Variants in PREX2 observed in about 807,000 individuals in gnomAD.
The protein encoded by PREX2 is phosphatidylinositol 3,4,5-trisphosphate-dependent Rac exchanger 2 protein.
In PREX2, 107 loss-of-function variants were observed where a neutral mutation model predicts 203.2. The ratio of observed to expected loss-of-function variants is 0.53; its 90% CI spans 0.45 to 0.62. The LOEUF is 0.62. Among genes scored for constraint, PREX2 ranks in the 20% least tolerant of loss-of-function variants. PREX2 has a pLI of 0.00. For synonymous variants in PREX2, 672 were observed against 663.6 expected, an observed-to-expected ratio of 1.01 and a Z score of -0.19; for missense variants, 1,777 against 1,955.9, an observed-to-expected ratio of 0.91 and a Z score of 1.72.
chr8:67,986,370 G>C (rs763522118), intron 1 of PREX2, among the ~76,000 whole-genome samples: 1 of 152,090 alleles, frequency 6.6e-6, no homozygotes, highest in Non-Finnish European at 1.5e-5. Context: ...TGGAGTTCCT[G>C]CTCTTGGCCA....
At chr8:68,174,255 AG>A (rs1292503858) in intron 35 of PREX2, among the ~76,000 whole-genome samples, 1 of 152,182 alleles carries the variant, frequency 6.6e-6, no homozygotes, top group African/African-American at 2.4e-5. Flanking sequence ...TTGATAGAAA[AG>A]CCATGATTTT....
At chr8:68,191,695 G>T (rs762674205) in intron 35 of PREX2, 27 bp from the exon 36 acceptor site, 3 of 1,525,202 alleles carry the variant, frequency 2.0e-6, no homozygotes, top group Non-Finnish European at 2.7e-6. Context: ...AACAACAAAT[G>T]ATAATTTATT....
intron 9 of PREX2, 53 bp downstream of exon 9, chr8:68,053,299 T>C (rs1050099156): frequency 1.3e-6 from 2 of 1,562,086 alleles, no homozygotes; most frequent in Middle Eastern, 1.7e-4. Flanking sequence ...TAACTTAGCA[T>C]AGGAGCAGAT....
intron 30 of PREX2, among the ~76,000 whole-genome samples, chr8:68,126,865 G>T (rs1039955032): frequency 8.6e-5 from 13 of 151,828 alleles, no homozygotes; most frequent in African/African-American, 3.1e-4. Context: ...ACACGTATGT[G>T]TGTGTGTATA....
chr8:68,223,296 GTTTTGT>G (rs935152017), intron 38 of PREX2: 3 of 152,106 alleles, frequency 2.0e-5, no homozygotes, highest in Non-Finnish European at 4.4e-5. Flanking sequence ...TTCTTTGTTT[GTTTTGT>G]TTTTGTTTTT....
chr8:68,115,620 T>C, intron 25 of PREX2, 133 bp from the exon 26 acceptor site: 2 of 561,140 alleles, frequency 3.6e-6, no homozygotes, highest in Non-Finnish European at 3.0e-6. Context: ...TTTTATGCAA[T>C]AGAATATTTA....
intron 35 of PREX2, among the ~76,000 whole-genome samples, chr8:68,167,586 G>C (rs1203637208): frequency 1.3e-5 from 2 of 152,040 alleles, no homozygotes; most frequent in African/African-American, 4.8e-5. Context: ...GCCCACCTTG[G>C]CCTCCCGAAG....
chr8:68,074,205 T>TC (rs1426156122), intron 14 of PREX2, among the ~76,000 whole-genome samples: 1 of 152,136 alleles, frequency 6.6e-6, no homozygotes, highest in African/African-American at 2.4e-5. Flanking sequence ...CCTCAAGTGA[T>TC]CCACCTGCCT....
intron 1 of PREX2, among the ~76,000 whole-genome samples, chr8:68,010,604 C>T (rs1425827225): frequency 3.3e-5 from 5 of 152,204 alleles, no homozygotes; most frequent in South Asian, 2.1e-4. Flanking sequence ...ATGTAATCTT[C>T]TCCACCTCTC....
chr8:68,115,412 T>C (rs1012157637), intron 25 of PREX2, among the ~76,000 whole-genome samples: 2 of 152,196 alleles, frequency 1.3e-5, no homozygotes, highest in Non-Finnish European at 2.9e-5. Context: ...CCAGGAATAT[T>C]CATTCTCACA....
At chr8:67,977,663 G>A (rs527263718) in intron 1 of PREX2, among the ~76,000 whole-genome samples, 5 of 152,190 alleles carry the variant, frequency 3.3e-5, no homozygotes, top group South Asian at 4.1e-4. Flanking sequence ...GGACTTTTCA[G>A]CCCCACACTC....
intron 1 of PREX2, among the ~76,000 whole-genome samples, chr8:68,002,526 C>T (rs1437262272): frequency 6.6e-6 from 1 of 152,116 alleles, no homozygotes; most frequent in Non-Finnish European, 1.5e-5. Flanking sequence ...GTTCTTTGTC[C>T]TAATAGAAGC....
chr8:67,953,993 G>C (rs1298153545), intron 1 of PREX2, among the ~76,000 whole-genome samples: 1 of 152,146 alleles, frequency 6.6e-6, no homozygotes, highest in Non-Finnish European at 1.5e-5. Context: ...CTGAAGATCT[G>C]TGAACAAAGT....
chr8:68,020,333 C>CAAAAAAAAAAAAAAAAAAAAAAA (rs67292795), intron 3 of PREX2, among the ~76,000 whole-genome samples: 1 of 106,114 alleles, frequency 9.4e-6, no homozygotes, highest in African/African-American at 3.2e-5. Flanking sequence ...GCATTCACAC[C>CAAAAAAAAAAAAAAAAAAAAAAA]AAAAAAAAAA....
In PREX2 at chr8:67,960,780, A is replaced by G. The variant is rs373760394; in HGVS notation, c.141+8245A>G. The stretch of plus-strand genomic sequence containing the variant: ...TGTTGCTGAGAGGGCAGTGCCCTGA[A>G]GAGAACCGTAATGATTTGGACACAC... On this transcript the variant is annotated intron_variant, in intron 1 of 39. Coordinates refer to ENST00000288368, the MANE Select transcript of PREX2 (RefSeq NM_024870.4). 1.2e-3 allele frequency among the ~76,000 whole-genome samples: 185 copies of G among 152,212 alleles called. 2 individuals carry two copies. Among genetic ancestry groups the G allele is most frequent in the African/African-American group, 4.3e-3 (177 of 41,538 alleles).
chr8:68,163,132 T>C (rs1190084867), intron 35 of PREX2, among the ~76,000 whole-genome samples: 3 of 152,280 alleles, frequency 2.0e-5, no homozygotes, highest in South Asian at 4.1e-4. Context: ...TTTGGTGTTA[T>C]AGACAACATA....
Position 67,955,321 on chromosome 8 carries a change from C to T in PREX2, c.141+2786C>T, listed in dbSNP as rs927804238. ...ACAGCCCATGAGCATTGCCTTTCTT[C>T]TCTAAGCTAAGGTATGGGTCTATCT... On this transcript the variant is annotated intron_variant, in intron 1 of 39. Transcript: ENST00000288368. Among the ~76,000 whole-genome samples the T allele has an allele frequency of 2.0e-5, 3 of 152,142 alleles. No individual in the cohort carries two copies. The East Asian group carries it at 5.8e-4, about 29-fold the overall frequency.
chr8:68,121,474 T>C (rs1053609649), intron 30 of PREX2, among the ~76,000 whole-genome samples: 12 of 152,112 alleles, frequency 7.9e-5, no homozygotes, highest in African/African-American at 2.9e-4. Flanking sequence ...GATTTTTAAG[T>C]TTTTATATCA....
At chr8:68,045,087 G>T (rs1808311174) in intron 8 of PREX2, among the ~76,000 whole-genome samples, 2 of 151,886 alleles carry the variant, frequency 1.3e-5, no homozygotes, top group Admixed American at 1.3e-4. Flanking sequence ...TTAAGTTCTT[G>T]TTTTAAATAT....
Sources: gnomAD v4.1 joint callset for allele counts (sites outside exome capture counted in the v4.1 genomes callset) on GRCh38, gnomAD v4.1.1 for gene constraint, MANE v1.5 for transcripts, NCBI Gene and HGNC (gene_info 2026-07-23, HGNC 2026-07-21) for gene names.